Variants in MCTP1 observed in about 807,000 individuals in gnomAD.
MCTP1 encodes multiple C2 and transmembrane domain-containing protein 1.
A neutral mutation model predicts 120.6 loss-of-function variants in MCTP1; 69 were observed. The observed-to-expected ratio is 0.57, with a 90% CI of 0.47 to 0.70. The LOEUF (loss-of-function observed/expected upper bound fraction) is 0.70, where lower values mean the gene tolerates loss of function less well. MCTP1 is among the 30% of genes least tolerant of loss of function. The pLI, the probability that MCTP1 is intolerant of heterozygous loss-of-function variation, is 0.00. For missense variants in MCTP1, 1,203 were observed against 1,248.8 expected (o/e 0.96, Z 0.55); for synonymous variants, 529 against 493.1 (o/e 1.07, Z -0.96).
chr5:95,259,209 A>G (rs937402076), intron 1 of MCTP1, among the ~76,000 whole-genome samples: 3 of 152,186 alleles, frequency 2.0e-5, no homozygotes, highest in Non-Finnish European at 4.4e-5. Context: ...CATCCCTGCC[A>G]ACATTTCTGA....
intron 1 of MCTP1, among the ~76,000 whole-genome samples, chr5:95,107,540 G>T (rs907782338): frequency 2.0e-4 from 30 of 152,158 alleles, no homozygotes; most frequent in African/African-American, 7.2e-4. Flanking sequence ...AAATCTGACA[G>T]GAATGCCAAG....
At chr5:95,017,531 C>G (rs776618510) in intron 1 of MCTP1, 47 bp from the exon 2 acceptor site, 23 of 1,138,760 alleles carry the variant, frequency 2.0e-5, no homozygotes, top group Middle Eastern at 2.5e-4. Flanking sequence ...TATCTCTGTT[C>G]TATTTTCTCT....
At chr5:95,169,980 C>G (rs559254711) in intron 1 of MCTP1, among the ~76,000 whole-genome samples, 1 of 152,208 alleles carries the variant, frequency 6.6e-6, no homozygotes, top group African/African-American at 2.4e-5. Context: ...TCTTGCTTCT[C>G]TAGTTCTTTT....
intron 3 of MCTP1, among the ~76,000 whole-genome samples, chr5:94,951,799 G>C (rs10452513): frequency 0.39 from 58,725 of 151,988 alleles, 11,691 homozygotes; most frequent in African/African-American, 0.46. Context: ...TCCCTTTCGT[G>C]GGAGAAGGGT....
At chr5:95,025,145 T>C (rs1036086630) in intron 1 of MCTP1, among the ~76,000 whole-genome samples, 5 of 152,144 alleles carry the variant, frequency 3.3e-5, no homozygotes, top group Non-Finnish European at 4.4e-5. Context: ...GCTAGAGGCA[T>C]CACACTATCA....
rs1461804988 is a variant in MCTP1 at position 94,968,356 on chromosome 5, G to GT, written c.839-14996dup. Among the ~76,000 whole-genome samples the GT allele has an allele frequency of 4.6e-5, 7 of 152,194 alleles. 1 individual carries two copies. In the East Asian group the frequency reaches 1.2e-3, roughly 25 times the overall value. The stretch of plus-strand genomic sequence containing the variant: ...AGGCTTGACAGGCATCACTTACTAA[G>GT]TTTTTTTGACTATGAGGCCTACTTT... On this transcript the variant is annotated intron_variant, in intron 2 of 22. Coordinates refer to ENST00000515393, the MANE Select transcript of MCTP1 (RefSeq NM_024717.7).
Position 95,095,046 on chromosome 5 carries a change from C to T in MCTP1, c.721-77562G>A, listed in dbSNP as rs1398051940. On this transcript the variant is annotated intron_variant, in intron 1 of 22. Coordinates refer to ENST00000515393, the MANE Select transcript of MCTP1 (RefSeq NM_024717.7). ...TTTTTTTTTTTTTTTTTTTTTGAGA[C>T]GGAGTCTCGCTCTGTCGCCCAGGCT... 1.1e-4 allele frequency among the ~76,000 whole-genome samples: 9 copies of T among 78,490 alleles called. No individual in the cohort carries two copies. In the South Asian group the frequency reaches 1.3e-3, roughly 11 times the overall value. The allele number at this position is 78,490 out of a possible 152,430, so 51.5% of individuals were successfully genotyped here.
intron 6 of MCTP1, among the ~76,000 whole-genome samples, chr5:94,925,845 A>T (rs751248611): frequency 2.0e-5 from 3 of 152,208 alleles, no homozygotes; most frequent in Admixed American, 6.5e-5. Flanking sequence ...TTCTACCAAG[A>T]TTTCTAATTT....
At chr5:94,799,601 C>G (rs1780778188) in intron 17 of MCTP1, among the ~76,000 whole-genome samples, 1 of 152,038 alleles carries the variant, frequency 6.6e-6, no homozygotes, top group Admixed American at 6.6e-5. Flanking sequence ...AATACCAGGT[C>G]TACACAAGAC....
At chr5:95,180,480 C>T (rs901596327) in intron 1 of MCTP1, among the ~76,000 whole-genome samples, 1 of 152,248 alleles carries the variant, frequency 6.6e-6, no homozygotes, top group African/African-American at 2.4e-5. Context: ...TCCTTCTTCA[C>T]ATGTTACTAA....
intron 1 of MCTP1, among the ~76,000 whole-genome samples, chr5:95,022,182 A>G (rs1342509939): frequency 6.6e-6 from 1 of 152,210 alleles, no homozygotes; most frequent in Non-Finnish European, 1.5e-5. Flanking sequence ...CTCCCATGAT[A>G]TATTAGGTTG....
intron 1 of MCTP1, among the ~76,000 whole-genome samples, chr5:95,273,461 A>T (rs1330398736): frequency 6.6e-6 from 1 of 152,208 alleles, no homozygotes; most frequent in South Asian, 2.1e-4. Flanking sequence ...CTCCTTCATT[A>T]TAACTATTTC....
chr5:94,873,309 GA>G (rs1798175149), intron 12 of MCTP1, 68 bp from the exon 13 acceptor site: 1 of 865,222 alleles, frequency 1.2e-6, no homozygotes, highest in Non-Finnish European at 1.9e-6. Context: ...TCAAGATCAT[GA>G]CCATATCTCT....
intron 19 of MCTP1, among the ~76,000 whole-genome samples, chr5:94,771,134 A>C (rs1470022344): frequency 1.3e-5 from 2 of 152,180 alleles, no homozygotes; most frequent in African/African-American, 4.8e-5. Context: ...TATTTATCTC[A>C]GGTGTTTGAG....
intron 17 of MCTP1, among the ~76,000 whole-genome samples, chr5:94,803,586 C>A (rs763763323): frequency 2.0e-5 from 3 of 152,186 alleles, no homozygotes; most frequent in African/African-American, 4.8e-5. Flanking sequence ...AGATGCTCAA[C>A]AAGCATTAGG....
chr5:95,215,793 C>T (rs1477825948), intron 1 of MCTP1, among the ~76,000 whole-genome samples: 1 of 152,114 alleles, frequency 6.6e-6, no homozygotes, highest in Non-Finnish European at 1.5e-5. Flanking sequence ...CAACCACCTA[C>T]CTCTCAAACT....
intron 9 of MCTP1, among the ~76,000 whole-genome samples, chr5:94,911,571 G>A (rs1000590256): frequency 6.6e-6 from 1 of 152,114 alleles, no homozygotes; most frequent in African/African-American, 2.4e-5. Context: ...TTTGCCTTCT[G>A]CCATGATTGT....
intron 8 of MCTP1, among the ~76,000 whole-genome samples, chr5:94,913,777 T>C (rs1005032866): frequency 6.6e-6 from 1 of 152,256 alleles, no homozygotes; most frequent in African/African-American, 2.4e-5. Flanking sequence ...TGGTCATAGC[T>C]CACTGTAACC....
intron 2 of MCTP1, among the ~76,000 whole-genome samples, chr5:95,009,595 T>C (rs975193453): frequency 6.6e-6 from 1 of 151,154 alleles, no homozygotes; most frequent in Non-Finnish European, 1.5e-5. Flanking sequence ...ATATAAAAGA[T>C]ATATATAAAA....
Sources: gnomAD v4.1 joint callset for allele counts (sites outside exome capture counted in the v4.1 genomes callset) on GRCh38, gnomAD v4.1.1 for gene constraint, MANE v1.5 for transcripts, NCBI Gene and HGNC (gene_info 2026-07-23, HGNC 2026-07-21) for gene names.